The following CHST3 variants were observed in gnomAD, a reference collection of about 807,000 sequenced individuals.
CHST3 encodes the protein carbohydrate sulfotransferase 3.
A neutral mutation model predicts 35.4 loss-of-function variants in CHST3; 20 were observed. That is an observed-to-expected ratio of 0.57 (90% CI 0.40 to 0.82). The LOEUF (loss-of-function observed/expected upper bound fraction) is 0.82, where lower values mean the gene tolerates loss of function less well. Ranked by LOEUF, CHST3 falls within the 40% of genes least tolerant of loss-of-function variation. The pLI is 0.00. For synonymous variants in CHST3, 334 were observed against 295.9 expected, an observed-to-expected ratio of 1.13 and a Z score of -1.32; for missense variants, 693 against 670.1, an observed-to-expected ratio of 1.03 and a Z score of -0.38.
At position 72,009,976 on chromosome 10, in the gene CHST3, G is replaced by T; in HGVS notation, c.*1505G>T. The T allele has an allele frequency of 6.5e-6, 1 of 153,020 alleles. No homozygotes were observed. The highest frequency in any genetic ancestry group is 1.5e-5 in the Non-Finnish European group (1 of 68,298). The allele number at this position is 153,020 out of a possible 1,614,324, so 9.5% of individuals were successfully genotyped here. A position where few individuals can be genotyped will look rare whatever the true frequency, so the allele number is the denominator to read the frequency against. Reference sequence around the variant, plus strand: ...AGGACAGGAGGAGGAGCCTTCCCCAGGAGGAACGAGGAGAGGTGGCCACGT... The same window carrying T: ...AGGACAGGAGGAGGAGCCTTCCCCATGAGGAACGAGGAGAGGTGGCCACGT... On this transcript the variant is annotated 3_prime_UTR_variant, in exon 3 of 3. Transcript: ENST00000373115.
At chr10:71,974,779 C>G (rs1839729595) in intron 1 of CHST3, among the ~76,000 whole-genome samples, 1 of 152,194 alleles carries the variant, frequency 6.6e-6, no homozygotes, top group Non-Finnish European at 1.5e-5. Context: ...CCCCATGTAG[C>G]AGGGCCAGGT....
intron 1 of CHST3, among the ~76,000 whole-genome samples, chr10:72,002,370 C>A (rs1192608198): frequency 6.6e-6 from 1 of 152,202 alleles, no homozygotes; most frequent in Non-Finnish European, 1.5e-5. Context: ...AACTTCTATA[C>A]CTTACCAAGG....
At position 72,007,379 on chromosome 10, in the gene CHST3, G is replaced by T. The variant is rs144885813; in HGVS notation, c.348G>T (p.Glu116Asp). The T allele has an allele frequency of 5.0e-4, 798 of 1,606,028 alleles. 3 individuals carry two copies. The highest frequency in any genetic ancestry group is 6.3e-4 in the Non-Finnish European group (743 of 1,177,050). ...AGGCCGCAGGGGAGGAAGAGGAAGA[G>T]CAGAGAAAGGAGGAGGAGCCGCCCA... Reference protein sequence around the residue: ...AMEAAGEEEEEQRKEEEPPRP... With the variant: ...AMEAAGEEEEDQRKEEEPPRP... The change falls in exon 3 of 3, where the codon GAG (glutamate) becomes GAT (aspartate). Residue 116 changes from glutamate to aspartate, a missense_variant. Coordinates refer to ENST00000373115, the MANE Select transcript of CHST3 (RefSeq NM_004273.5).
Position 71,981,760 on chromosome 10 carries a change from G to C in CHST3, c.-108+17066G>C, listed in dbSNP as rs117856727. Among the ~76,000 whole-genome samples the C allele has an allele frequency of 8.6e-3, 1,310 of 152,334 alleles. 5 individuals are homozygous for C. The highest frequency in any genetic ancestry group is 0.015 in the Non-Finnish European group (1,004 of 68,034). ...GAGGTTTGGTGCTAAGTAGCTGTGG[G>C]GAATAAGAATAACTGCTGACATGAA... On this transcript the variant is annotated intron_variant, in intron 1 of 2. Transcript: ENST00000373115.
At chr10:71,980,668 G>A (rs1165517860) in intron 1 of CHST3, among the ~76,000 whole-genome samples, 2 of 152,216 alleles carry the variant, frequency 1.3e-5, no homozygotes, top group African/African-American at 2.4e-5. Flanking sequence ...GTTCCCAGGA[G>A]GGGCTGATAC....
intron 1 of CHST3, among the ~76,000 whole-genome samples, chr10:71,975,346 A>G (rs1839735010): frequency 6.6e-6 from 1 of 152,240 alleles, no homozygotes; most frequent in Admixed American, 6.5e-5. Flanking sequence ...ATAACTGTCC[A>G]ACTCCAGATG....
chr10:71,970,419 G>A (rs879489953), intron 1 of CHST3, among the ~76,000 whole-genome samples: 16 of 152,146 alleles, frequency 1.1e-4, no homozygotes, highest in African/African-American at 3.1e-4. Context: ...CCTGAATGCC[G>A]CAAGTAAACA....
At chr10:71,980,500 G>T in intron 1 of CHST3, among the ~76,000 whole-genome samples, 1 of 152,318 alleles carries the variant, frequency 6.6e-6, no homozygotes, top group South Asian at 2.1e-4. Context: ...TGTTGGCACA[G>T]CCTGCAGTTT....
chr10:71,991,736 C>A (rs540216304), intron 1 of CHST3, among the ~76,000 whole-genome samples: 33 of 152,180 alleles, frequency 2.2e-4, no homozygotes, highest in African/African-American at 7.2e-4. Flanking sequence ...AGTTCGAGAC[C>A]ACCCTGGCCA....
At chr10:71,979,860 C>T (rs887337480) in intron 1 of CHST3, among the ~76,000 whole-genome samples, 7 of 152,200 alleles carry the variant, frequency 4.6e-5, no homozygotes, top group Admixed American at 4.6e-4. Context: ...TGCGTATAGA[C>T]ACCTCAGTAG....
intron 1 of CHST3, among the ~76,000 whole-genome samples, chr10:71,998,887 C>A (rs774003838): frequency 6.6e-6 from 1 of 151,338 alleles, no homozygotes; most frequent in Non-Finnish European, 1.5e-5. Context: ...CCCATAGCCC[C>A]GGGGCTATAC....
intron 1 of CHST3, among the ~76,000 whole-genome samples, chr10:71,977,451 T>C (rs1210831703): frequency 3.3e-5 from 2 of 60,892 alleles, no homozygotes; most frequent in Non-Finnish European, 1.0e-4. Context: ...AAGCTCGATT[T>C]TTTTTTTTTT....
chr10:71,996,451 C>CGTGT (rs10564775), intron 1 of CHST3, among the ~76,000 whole-genome samples: 14,210 of 146,424 alleles, frequency 0.097, 676 homozygotes, highest in Admixed American at 0.14. Flanking sequence ...TGTGTCTCTG[C>CGTGT]GTGTGTGTGT....
chr10:71,968,456 A>G (rs1007706257), intron 1 of CHST3, among the ~76,000 whole-genome samples: 1 of 152,138 alleles, frequency 6.6e-6, no homozygotes, highest in Admixed American at 6.6e-5. Context: ...CTCTGTTGAT[A>G]GTTTCTTTTG....
chr10:71,968,483 T>C (rs1475790590), intron 1 of CHST3, among the ~76,000 whole-genome samples: 2 of 152,304 alleles, frequency 1.3e-5, no homozygotes, highest in Admixed American at 1.3e-4. Flanking sequence ...AGAGGCTCTT[T>C]AGTTTAATTA....
In CHST3 at chr10:72,008,119, G is replaced by T. The variant is rs1474958996; in HGVS notation, c.1088G>T (p.Arg363Leu). The part of the protein sequence containing the change: ...ELGLRQPAWL[R>L]GRYMLVRYED... ...GGGCTGCGGCAGCCCGCCTGGCTGC[G>T]GGGCCGCTACATGCTGGTGCGCTAC... is the stretch of plus-strand genomic sequence containing the variant. The change falls in exon 3 of 3, where the codon CGG becomes CTG. Residue 363 changes from arginine to leucine, a missense_variant. Transcript: ENST00000373115. The T allele has an allele frequency of 6.5e-7, 1 of 1,547,420 alleles. No homozygotes were observed. The highest frequency in any genetic ancestry group is 2.4e-5 in the East Asian group (1 of 40,836).
At position 72,013,497 on chromosome 10, in the gene CHST3, C is replaced by T. The variant is rs1840133812; in HGVS notation, c.*5026C>T. ...CCTGCTTTGCAGAATAGAATGTGAA[C>T]CCAACTCCTGATGGCCTACTTGACT... is the stretch of plus-strand genomic sequence containing the variant. On this transcript the variant is annotated 3_prime_UTR_variant, in exon 3 of 3. Coordinates refer to ENST00000373115, the MANE Select transcript of CHST3 (RefSeq NM_004273.5). 1 of 152,202 alleles carries T rather than the reference C, an allele frequency of 6.6e-6. No homozygotes were observed. Among genetic ancestry groups the T allele is most frequent in the Non-Finnish European group, 1.5e-5 (1 of 68,036 alleles). The allele number at this position is 152,202 out of a possible 1,614,324, so 9.4% of individuals were successfully genotyped here.
At chr10:71,989,606 A>G (rs915522549) in intron 1 of CHST3, among the ~76,000 whole-genome samples, 2 of 152,234 alleles carry the variant, frequency 1.3e-5, no homozygotes, top group Admixed American at 1.3e-4. Context: ...GGATTGGGAC[A>G]CAACTCCATA....
chr10:71,972,298 G>A (rs1839703323), intron 1 of CHST3, among the ~76,000 whole-genome samples: 2 of 152,186 alleles, frequency 1.3e-5, no homozygotes, highest in South Asian at 2.1e-4. Flanking sequence ...TGGCTGCACC[G>A]AGAGGAGAAA....
Sources: allele counts gnomAD v4.1 joint callset (sites outside exome capture counted in the v4.1 genomes callset), GRCh38; gene constraint gnomAD v4.1.1; transcripts MANE v1.5; gene names NCBI Gene and HGNC (gene_info 2026-07-23, HGNC 2026-07-21).